Variants in KIF24 observed in about 807,000 individuals in gnomAD.
KIF24 encodes kinesin-like protein KIF24.
Under a neutral mutation model 118.9 loss-of-function variants are expected in KIF24, and 81 were observed. The observed-to-expected ratio is 0.68, with a 90% CI of 0.57 to 0.82. The LOEUF (loss-of-function observed/expected upper bound fraction) is 0.82. KIF24 is among the 40% of genes least tolerant of loss of function. The pLI is 0.00. For missense variants in KIF24, 1,560 were observed against 1,661.6 expected (o/e 0.94, Z 1.06); for synonymous variants, 599 against 610.0 (o/e 0.98, Z 0.27).
At chr9:34,330,460 C>T (rs1837878188), upstream of KIF24, among the ~76,000 whole-genome samples, 1 of 152,122 alleles carries the variant, frequency 6.6e-6, no homozygotes, top group Admixed American at 6.5e-5. Context: ...AAATGTAAAA[C>T]GCTATTATAG....
At chr9:34,312,389 C>T (rs1837198457) in intron 1 of KIF24, among the ~76,000 whole-genome samples, 1 of 152,200 alleles carries the variant, frequency 6.6e-6, no homozygotes, top group Non-Finnish European at 1.5e-5. Context: ...ATCCTGAGCT[C>T]TCTATATCAC....
chr9:34,252,804 A>T lies in KIF24; in HGVS notation c.*1576T>A, dbSNP rs1454292193. 1 of 152,056 alleles carries T rather than the reference A, an allele frequency of 6.6e-6. No individual in the cohort carries two copies. The highest frequency in any genetic ancestry group is 2.4e-5 in the African/African-American group (1 of 41,374). The allele number at this position is 152,056 out of a possible 1,614,324, so 9.4% of individuals were successfully genotyped here. A position where few individuals can be genotyped will look rare whatever the true frequency, so the allele number is the denominator to read the frequency against. On this transcript the variant is annotated 3_prime_UTR_variant, in exon 13 of 13. Transcript: ENST00000402558. ...TGGGATAGGCTGGGCCTTCAGGGGGATCACCCAGTAAAAGAGGAAGAAGCC... is the reference window on the plus strand; with the variant it reads ...TGGGATAGGCTGGGCCTTCAGGGGGTTCACCCAGTAAAAGAGGAAGAAGCC...
intron 3 of KIF24, among the ~76,000 whole-genome samples, chr9:34,304,192 T>C (rs547840255): frequency 9.2e-5 from 14 of 152,220 alleles, no homozygotes; most frequent in Non-Finnish European, 2.1e-4. Context: ...ACGATCAATA[T>C]TTATTTAGCA....
Position 34,254,169 on chromosome 9 carries a change from C to T in KIF24, c.*211G>A. The T allele has an allele frequency of 2.2e-6, 1 of 453,612 alleles. No homozygotes were observed. Among genetic ancestry groups the T allele is most frequent in the Non-Finnish European group, 3.9e-6 (1 of 259,524 alleles). The allele number at this position is 453,612 out of a possible 1,614,324, so 28.1% of individuals were successfully genotyped here. On this transcript the variant is annotated 3_prime_UTR_variant, in exon 13 of 13. Coordinates refer to ENST00000402558, the MANE Select transcript of KIF24 (RefSeq NM_194313.4). ...GGCCTGGCCCACCCTTGGAGGCACTCCTGTGCATGGAACTGAGGGACAGGG... is the reference window on the plus strand; with the variant it reads ...GGCCTGGCCCACCCTTGGAGGCACTTCTGTGCATGGAACTGAGGGACAGGG...
chr9:34,266,701 A>T (rs1230131191), intron 8 of KIF24, among the ~76,000 whole-genome samples: 1 of 151,354 alleles, frequency 6.6e-6, no homozygotes, highest in Non-Finnish European at 1.5e-5. Flanking sequence ...AAAAAGAAAG[A>T]AAAAGAAAGA....
intron 6 of KIF24, among the ~76,000 whole-genome samples, chr9:34,284,925 A>G (rs982820509): frequency 1.1e-4 from 16 of 152,208 alleles, no homozygotes; most frequent in African/African-American, 2.9e-4. Flanking sequence ...AAAAGGCTCC[A>G]AACAATCTAA....
upstream of KIF24, among the ~76,000 whole-genome samples, chr9:34,332,976 G>GT (rs2131853051): frequency 6.6e-6 from 1 of 152,280 alleles, no homozygotes; most frequent in Admixed American, 6.5e-5. Flanking sequence ...GATGTGGGAG[G>GT]TGAGGGAGTA....
chr9:34,280,512 GA>G, intron 6 of KIF24, among the ~76,000 whole-genome samples: 1 of 152,098 alleles, frequency 6.6e-6, no homozygotes, highest in Non-Finnish European at 1.5e-5. Context: ...GGAGTGGCTG[GA>G]GGTAGGGGCA....
In KIF24 at chr9:34,310,707, AAGAT is replaced by A; in HGVS notation, c.623+13_623+16del. 6.4e-7 allele frequency: 1 copy of A among 1,550,888 alleles called. No homozygotes were observed. The highest frequency in any genetic ancestry group is 8.7e-7 in the Non-Finnish European group (1 of 1,151,580). On this transcript the variant is annotated intron_variant, in intron 2 of 12. Transcript: ENST00000402558. Reference sequence around the variant, plus strand: ...AGGCTACTTTCCCTCAAAAGAAAGAAAGATAAAATTTATTACCTGATACAAGAAT... The same window carrying A: ...AGGCTACTTTCCCTCAAAAGAAAGAAAAAATTTATTACCTGATACAAGAAT...
In KIF24 at chr9:34,292,354, T is replaced by TTTTTCC. The variant is rs1435033351; in HGVS notation, c.912-1971_912-1966dup. On this transcript the variant is annotated intron_variant, in intron 4 of 12. Coordinates refer to ENST00000402558, the MANE Select transcript of KIF24 (RefSeq NM_194313.4). ...TATCCACCCTTTCCCCTGTAAATTT[T>TTTTTCC]TTTTCCTTTTCCTTTTATTATTTTT... Among the ~76,000 whole-genome samples the TTTTTCC allele has an allele frequency of 4.6e-5, 7 of 152,230 alleles. 1 individual carries two copies. In the East Asian group the frequency reaches 5.8e-4, roughly 13 times the overall value.
upstream of KIF24, among the ~76,000 whole-genome samples, chr9:34,330,145 T>G (rs1274230400): frequency 6.6e-6 from 1 of 152,262 alleles, no homozygotes. Context: ...GGCTCACGCC[T>G]GTAATCCCAG....
intron 2 of KIF24, 59 bp from the exon 3 acceptor site, chr9:34,306,500 G>T: frequency 3.3e-6 from 4 of 1,206,368 alleles, no homozygotes; most frequent in Non-Finnish European, 2.3e-6. Context: ...TACTTAACAG[G>T]TCAAAGTATT....
At chr9:34,271,722 C>T (rs1227595375) in intron 7 of KIF24, 87 bp downstream of exon 7, 2 of 1,413,084 alleles carry the variant, frequency 1.4e-6, no homozygotes, top group Non-Finnish European at 9.7e-7. Flanking sequence ...TCCATGGTAG[C>T]AGGGTATCCT....
chr9:34,256,903 T>G lies in KIF24; in HGVS notation c.2704A>C (p.Arg902=). The G allele has an allele frequency of 6.2e-7, 1 of 1,614,010 alleles. No homozygotes were observed. Among genetic ancestry groups the G allele is most frequent in the Non-Finnish European group, 8.5e-7 (1 of 1,179,888 alleles). The change falls in exon 11 of 13, where the codon AGA becomes CGA. Residue 902 remains arginine (R), a synonymous_variant. Transcript: ENST00000402558. ...WVDSRDPINH[R]RAALDHSCSP... is the part of the protein sequence containing the mutation. ...CAGCTGTGATCGAGTGCTGCTCTTC[T>G]GTGGTTTATGGGGTCCCTGGAGTCC... is the stretch of plus-strand genomic sequence containing the variant.
intron 6 of KIF24, among the ~76,000 whole-genome samples, chr9:34,283,705 A>G (rs1835937970): frequency 1.3e-5 from 2 of 152,200 alleles, no homozygotes; most frequent in Non-Finnish European, 2.9e-5. Context: ...CAAGGAAAAG[A>G]CAGATAACCC....
chr9:34,254,677 C>T (rs1587903923), intron 12 of KIF24, among the ~76,000 whole-genome samples, 157 bp from the exon 13 acceptor site: 1 of 152,078 alleles, frequency 6.6e-6, no homozygotes, highest in Non-Finnish European at 1.5e-5. Context: ...CAGGGTGGGG[C>T]CTGCTGCTCT....
At chr9:34,297,145 G>C (rs1836515488) in intron 3 of KIF24, 31 bp from the exon 4 acceptor site, 4 of 1,282,430 alleles carry the variant, frequency 3.1e-6, no homozygotes, top group Middle Eastern at 3.9e-4. Flanking sequence ...TATGGAAAGA[G>C]ACACATTCTG....
chr9:34,311,154 G>C lies in KIF24; in HGVS notation c.193C>G (p.Gln65Glu), dbSNP rs1489695177. 6.2e-7 allele frequency: 1 copy of C among 1,613,062 alleles called. No individual in the cohort carries two copies. The highest frequency in any genetic ancestry group is 1.3e-5 in the African/African-American group (1 of 74,874). ...FQLIKIIKIM[Q>E]EEDKAVSIPE... Reference sequence around the variant, plus strand: ...ATACTGACTGCTTTATCTTCTTCTTGCATAATCTTAATAATTTTGATAAGT... The same window carrying C: ...ATACTGACTGCTTTATCTTCTTCTTCCATAATCTTAATAATTTTGATAAGT... The change falls in exon 2 of 13, where the codon CAA becomes GAA. Residue 65 changes from glutamine (Q) to glutamate (E), a missense_variant. Gln to Glu is a conservative substitution (Grantham distance 29, BLOSUM62 2). This residue lies in a region of KIF24 where 964 missense variants were observed against 988.0 expected (regional missense o/e 0.98). Transcript: ENST00000402558.
At chr9:34,302,460 C>T (rs941089122) in intron 3 of KIF24, among the ~76,000 whole-genome samples, 18 of 136,326 alleles carry the variant, frequency 1.3e-4, no homozygotes, top group Admixed American at 8.5e-4. Context: ...CATGTCACCA[C>T]GCTTGGCAAT....
Sources: gnomAD v4.1 joint callset for allele counts (sites outside exome capture counted in the v4.1 genomes callset) on GRCh38, gnomAD v4.1.1 for gene constraint, gnomAD v4.1.1 regional missense constraint, MANE v1.5 for transcripts, NCBI Gene and HGNC (gene_info 2026-07-23, HGNC 2026-07-21) for gene names.